The following ZRANB1 variants were observed in gnomAD, a reference collection of about 807,000 sequenced individuals.
ZRANB1 encodes the protein zinc finger RANBP2-type containing 1.
A neutral mutation model predicts 80.5 loss-of-function variants in ZRANB1; 16 were observed. That is an observed-to-expected ratio of 0.20 (90% CI 0.13 to 0.30). The LOEUF (loss-of-function observed/expected upper bound fraction) is 0.30, where lower values mean the gene tolerates loss of function less well. Among genes scored for constraint, ZRANB1 ranks in the 10% least tolerant of loss-of-function variants. ZRANB1 has a pLI of 1.00. For missense variants in ZRANB1, 576 were observed against 862.6 expected, an observed-to-expected ratio of 0.67 and a Z score of 4.16; for synonymous variants, 291 against 293.1, an observed-to-expected ratio of 0.99 and a Z score of 0.07.
chr10:124,969,707 A>G (rs971750064), intron 2 of ZRANB1, among the ~76,000 whole-genome samples: 1 of 152,216 alleles, frequency 6.6e-6, no homozygotes, highest in Non-Finnish European at 1.5e-5. Flanking sequence ...ATATAAGAAA[A>G]TACATTTTAA....
the ZRANB1 span, among the ~76,000 whole-genome samples, chr10:124,928,225 A>G: frequency 6.6e-6 from 1 of 152,186 alleles, no homozygotes; most frequent in Non-Finnish European, 1.5e-5. Flanking sequence ...GAGTGAAGGC[A>G]TGGAGACATG....
intron 5 of ZRANB1, among the ~76,000 whole-genome samples, chr10:124,974,603 A>C (rs542415206): frequency 6.6e-6 from 1 of 152,388 alleles, no homozygotes; most frequent in Admixed American, 6.5e-5. Flanking sequence ...AGCAAGAATC[A>C]ATGGTTTTTA....
the ZRANB1 span, chr10:124,917,337 A>T: frequency 1.3e-5 from 2 of 150,468 alleles, no homozygotes; most frequent in Non-Finnish European, 3.0e-5. Context: ...GGCGGCGCCC[A>T]GGTTGCCGGG....
intron 1 of ZRANB1, among the ~76,000 whole-genome samples, chr10:124,959,475 C>A (rs1303052713): frequency 2.7e-5 from 4 of 150,378 alleles, no homozygotes; most frequent in African/African-American, 9.8e-5. Context: ...TTTTTTTTTC[C>A]CCCTGAGATG....
At chr10:124,945,333 T>C (rs1318988275) in intron 1 of ZRANB1, 1 of 152,156 alleles carries the variant, frequency 6.6e-6, no homozygotes, top group Non-Finnish European at 1.5e-5. Flanking sequence ...ATGGAATCTT[T>C]ACATATCTGT....
chr10:124,952,889 C>T (rs1490165799), intron 1 of ZRANB1, among the ~76,000 whole-genome samples: 4 of 152,106 alleles, frequency 2.6e-5, no homozygotes, highest in Admixed American at 6.5e-5. Context: ...GGATTACAGG[C>T]GTGAGCCACC....
intron 1 of ZRANB1, among the ~76,000 whole-genome samples, chr10:124,955,223 GTTTTTTTTTGTT>G (rs1264107936): frequency 1.3e-5 from 2 of 150,322 alleles, no homozygotes; most frequent in East Asian, 2.0e-4. Context: ...ACATTAAAAG[GTTTTTTTTTGTT>G]TTTTTTTTGT....
rs55962412 is a variant in ZRANB1 at position 124,954,140 on chromosome 10, G to GTTTTTT, written c.814+10854_814+10859dup. Among the ~76,000 whole-genome samples, 59 of 52,536 alleles carry GTTTTTT rather than the reference G, an allele frequency of 1.1e-3. 7 individuals carry two copies. Among genetic ancestry groups the GTTTTTT allele is most frequent in the African/African-American group, 4.0e-3 (48 of 11,942 alleles). The allele number at this position is 52,536 out of a possible 152,430, so 34.5% of individuals were successfully genotyped here. On this transcript the variant is annotated intron_variant, in intron 1 of 8. Transcript: ENST00000359653. ...GCACCACCATCCCCAGCTAATTCCTGTTTTTTTTTTTTTTTTTTTTTTTTT... is the reference window on the plus strand; with the variant it reads ...GCACCACCATCCCCAGCTAATTCCTGTTTTTTTTTTTTTTTTTTTTTTTTTTTTTTT...
At chr10:124,917,181 T>TGCCGCCGCC in the ZRANB1 span, 1,351 of 168,546 alleles carry the variant, frequency 8.0e-3, 10 homozygotes, top group South Asian at 0.022. Context: ...GAGTCGCCGC[T>TGCCGCCGCC]GCCGCCGCCG....
chr10:124,986,743 C>T lies in ZRANB1; in HGVS notation c.*1751C>T, dbSNP rs1466431683. 3 of 152,140 alleles carry T rather than the reference C, an allele frequency of 2.0e-5. No individual in the cohort carries two copies. The highest frequency in any genetic ancestry group is 6.6e-5 in the Admixed American group (1 of 15,262). The allele number at this position is 152,140 out of a possible 1,614,324, so 9.4% of individuals were successfully genotyped here. On this transcript the variant is annotated 3_prime_UTR_variant, in exon 9 of 9. Transcript: ENST00000359653. ...CTACTTAGCATCTGTAGTAATTTCT[C>T]TATGTATAGGGATAATTTTTTAGTG...
the ZRANB1 span, among the ~76,000 whole-genome samples, chr10:124,936,217 G>A: frequency 6.6e-6 from 1 of 152,148 alleles, no homozygotes; most frequent in South Asian, 2.1e-4. Context: ...TTATACTGTT[G>A]CAGAAGAGCC....
chr10:124,973,450 C>T lies in ZRANB1; in HGVS notation c.1157-195C>T, dbSNP rs542225151. Among the ~76,000 whole-genome samples the T allele has an allele frequency of 3.1e-4, 47 of 152,312 alleles. No homozygotes were observed. The South Asian group carries it at 9.7e-3, about 32-fold the overall frequency. On this transcript the variant is annotated intron_variant, in intron 3 of 8. Coordinates refer to ENST00000359653, the MANE Select transcript of ZRANB1 (RefSeq NM_017580.3). ...GGAATTATAGGCGTGAGCCATTGCACCCGGCCCAGAAAAGAAATATTTTAT... is the reference window on the plus strand; with the variant it reads ...GGAATTATAGGCGTGAGCCATTGCATCCGGCCCAGAAAAGAAATATTTTAT...
chr10:124,976,565 C>CTTT (rs138858881), intron 5 of ZRANB1, among the ~76,000 whole-genome samples: 30 of 75,714 alleles, frequency 4.0e-4, no homozygotes, highest in Admixed American at 3.2e-3. Context: ...TGGTAATTTC[C>CTTT]TTTTTTTTTT....
At chr10:124,958,297 T>TA (rs1313340464) in intron 1 of ZRANB1, among the ~76,000 whole-genome samples, 1 of 152,164 alleles carries the variant, frequency 6.6e-6, no homozygotes, top group Non-Finnish European at 1.5e-5. Context: ...AGGGTGCCTG[T>TA]AGTCCCAGGT....
chr10:124,926,232 A>C, the ZRANB1 span, among the ~76,000 whole-genome samples: 1 of 152,246 alleles, frequency 6.6e-6, no homozygotes, highest in Non-Finnish European at 1.5e-5. Context: ...GACAGTGAAC[A>C]CTTTGGCTAC....
intron 1 of ZRANB1, among the ~76,000 whole-genome samples, chr10:124,960,620 A>T (rs534121725): frequency 1.3e-5 from 2 of 152,268 alleles, no homozygotes; most frequent in Admixed American, 1.3e-4. Context: ...AGATCTTACC[A>T]TCTTGCCCAG....
At chr10:124,931,814 A>G in the ZRANB1 span, among the ~76,000 whole-genome samples, 5 of 152,224 alleles carry the variant, frequency 3.3e-5, no homozygotes, top group African/African-American at 1.2e-4. Context: ...TTAACAATTA[A>G]TGAACCAACA....
At position 124,971,851 on chromosome 10, in the gene ZRANB1, A is replaced by G. The variant is rs181516371; in HGVS notation, c.1003-114A>G. On this transcript the variant is annotated intron_variant, in intron 2 of 8. Coordinates refer to ENST00000359653, the MANE Select transcript of ZRANB1 (RefSeq NM_017580.3). Reference sequence around the variant, plus strand: ...GGAAATAATACCAGTGTATTTTAAGATTAAAGAAAACCTTGAGTTATTGGG... The same window carrying G: ...GGAAATAATACCAGTGTATTTTAAGGTTAAAGAAAACCTTGAGTTATTGGG... The G allele has an allele frequency of 2.0e-5, 20 of 996,210 alleles. No individual in the cohort carries two copies. In the African/African-American group the frequency reaches 2.6e-4, roughly 13 times the overall value. The allele number at this position is 996,210 out of a possible 1,614,324, so 61.7% of individuals were successfully genotyped here. A position where few individuals can be genotyped will look rare whatever the true frequency, so the allele number is the denominator to read the frequency against.
the ZRANB1 span, among the ~76,000 whole-genome samples, chr10:124,926,700 CTTA>C: frequency 6.6e-6 from 1 of 152,176 alleles, no homozygotes; most frequent in African/African-American, 2.4e-5. Flanking sequence ...TGGTAACATA[CTTA>C]TTATCATGAT....
Sources: gnomAD v4.1 joint callset for allele counts (sites outside exome capture counted in the v4.1 genomes callset) on GRCh38, gnomAD v4.1.1 for gene constraint, MANE v1.5 for transcripts, NCBI Gene and HGNC (gene_info 2026-07-23, HGNC 2026-07-21) for gene names.